The following BET1 variants were observed in gnomAD, a reference collection of about 807,000 sequenced individuals.
BET1 encodes the protein BET1 homolog.
BET1 carries 9 observed loss-of-function variants against 13.9 expected under a neutral mutation model. The ratio of observed to expected loss-of-function variants is 0.65; its 90% CI spans 0.39 to 1.13. The LOEUF (loss-of-function observed/expected upper bound fraction) is 1.13, where lower values mean the gene tolerates loss of function less well. Ranked by LOEUF, BET1 falls within the 50% of genes most tolerant of loss-of-function variation. The pLI, the probability that BET1 is intolerant of heterozygous loss-of-function variation, is 0.01. For missense variants in BET1, 127 were observed against 133.6 expected (o/e 0.95, Z 0.24); for synonymous variants, 39 against 47.3 (o/e 0.82, Z 0.72).
chr7:93,977,657 C>T (rs1795362822), intron 4 of BET1, among the ~76,000 whole-genome samples: 1 of 152,124 alleles, frequency 6.6e-6, no homozygotes, highest in Non-Finnish European at 1.5e-5. Flanking sequence ...ACGGGACCAA[C>T]CCTCACAGGG....
intron 1 of BET1, among the ~76,000 whole-genome samples, chr7:94,003,515 T>C (rs1239442036): frequency 6.6e-6 from 1 of 152,156 alleles, no homozygotes; most frequent in African/African-American, 2.4e-5. Context: ...GCCGTTCTAG[T>C]AGCTGTGCGT....
chr7:94,004,264 T>C lies in BET1; in HGVS notation c.-48A>G, dbSNP rs2116159665. On this transcript the variant is annotated 5_prime_UTR_variant, in exon 1 of 4. Coordinates refer to ENST00000222547, the MANE Select transcript of BET1 (RefSeq NM_005868.6). Reference sequence around the variant, plus strand: ...AGGCGGGTGCGGGGCTTTGGGTGAGTAGGAAACAGCTAGGGGCGACCCGGA... The same window carrying C: ...AGGCGGGTGCGGGGCTTTGGGTGAGCAGGAAACAGCTAGGGGCGACCCGGA... 1.2e-6 allele frequency: 2 copies of C among 1,613,038 alleles called. No homozygotes were observed. Among genetic ancestry groups the C allele is most frequent in the Non-Finnish European group, 1.7e-6 (2 of 1,179,662 alleles).
rs759786928 is a variant in BET1 at position 93,994,185 on chromosome 7, C to A, written c.*45G>T. ...GCTGATTTTTATCAAAGTGGTACTG[C>A]AAGCCATTAAGTTGGAACAAATTCC... On this transcript the variant is annotated 3_prime_UTR_variant, in exon 4 of 4. Transcript: ENST00000222547. 6.4e-7 allele frequency: 1 copy of A among 1,563,560 alleles called. No homozygotes were observed. The highest frequency in any genetic ancestry group is 8.7e-7 in the Non-Finnish European group (1 of 1,155,230).
chr7:93,991,032 T>C (rs995562108), downstream of BET1, among the ~76,000 whole-genome samples: 1 of 152,132 alleles, frequency 6.6e-6, no homozygotes, highest in Non-Finnish European at 1.5e-5. Context: ...TGCCAATATA[T>C]ATACAAAGAG....
rs1033179642 is a variant in BET1, at chr7:94,004,355, T to C, written c.-139A>G. On this transcript the variant is annotated 5_prime_UTR_variant, in exon 1 of 4. Transcript: ENST00000222547. ...TTCCCCTAAAGCGCCACGACATCAG[T>C]GGAGTCTAAACACCGCGCCGGATGA... 6 of 1,197,840 alleles carry C rather than the reference T, an allele frequency of 5.0e-6. No homozygotes were observed. The highest frequency in any genetic ancestry group is 7.3e-6 in the Non-Finnish European group (6 of 818,742). The allele number at this position is 1,197,840 out of a possible 1,614,324, so 74.2% of individuals were successfully genotyped here.
chr7:93,985,113 A>G (rs1390759857), intron 4 of BET1, among the ~76,000 whole-genome samples: 1 of 152,096 alleles, frequency 6.6e-6, no homozygotes, highest in Non-Finnish European at 1.5e-5. Flanking sequence ...CCTCCCCCAC[A>G]CTGTCTCTGC....
Position 94,000,108 on chromosome 7 carries a change from T to A in BET1, c.20-814A>T, listed in dbSNP as rs1276891843. Among the ~76,000 whole-genome samples the A allele has an allele frequency of 9.7e-5, 7 of 72,086 alleles. No homozygotes were observed. In the East Asian group the frequency reaches 4.9e-3, roughly 51 times the overall value. 47.3% of individuals were successfully genotyped at this position (72,086 alleles called of 152,430 possible). A position where few individuals can be genotyped will look rare whatever the true frequency, so the allele number is the denominator to read the frequency against. On this transcript the variant is annotated intron_variant, in intron 1 of 3. Coordinates refer to ENST00000222547, the MANE Select transcript of BET1 (RefSeq NM_005868.6). ...AGTTCAGGGTGTTAGTTAACTATAC[T>A]TTTTTTTTTTTTTTGAGGTGGAGTC...
At chr7:94,002,130 G>A (rs1468334607) in intron 1 of BET1, among the ~76,000 whole-genome samples, 1 of 152,134 alleles carries the variant, frequency 6.6e-6, no homozygotes, top group Non-Finnish European at 1.5e-5. Flanking sequence ...GCTATGAAAA[G>A]TTGTAAAAAA....
Position 93,977,530 on chromosome 7 carries a change from A to G in BET1, c.236-1430T>C, listed in dbSNP as rs561091972. ...CCTCATATTTTAAATTATTTACTTA[A>G]TAGGATTTAAGGATTAGAATAAAAA... On this transcript the variant is annotated intron_variant and NMD_transcript_variant, in intron 4 of 6. Coordinates refer to the BET1 transcript ENST00000357520. 5.3e-5 allele frequency among the ~76,000 whole-genome samples: 8 copies of G among 152,290 alleles called. No individual in the cohort carries two copies. In the South Asian group the frequency reaches 1.7e-3, roughly 32 times the overall value.
In BET1 at chr7:93,993,944, C is replaced by T. The variant is rs1387448147; in HGVS notation, c.*286G>A. ...ATGATTACAACAAAATATTATAATGCTATTTAATCTGACAGTTGGCAAACA... is the reference window on the plus strand; with the variant it reads ...ATGATTACAACAAAATATTATAATGTTATTTAATCTGACAGTTGGCAAACA... On this transcript the variant is annotated 3_prime_UTR_variant, in exon 4 of 4. Coordinates refer to ENST00000222547, the MANE Select transcript of BET1 (RefSeq NM_005868.6). 15 of 1,534,450 alleles carry T rather than the reference C, an allele frequency of 9.8e-6. No individual in the cohort carries two copies. Among genetic ancestry groups the T allele is most frequent in the African/African-American group, 2.7e-5 (2 of 72,964 alleles).
chr7:93,965,144 T>C (rs568736825), exon 7 of BET1: 36 of 152,130 alleles, frequency 2.4e-4, no homozygotes, highest in Non-Finnish European at 1.9e-4. Context: ...ATTTTTGCAC[T>C]GCCTCGTTCA....
rs1264631070 is a variant in BET1, at chr7:93,993,583, A to G, written c.*647T>C. ...GAATTCATAAAGTTAATATGAAATAATAACTATACTGATACACATGTGCAA... is the reference window on the plus strand; with the variant it reads ...GAATTCATAAAGTTAATATGAAATAGTAACTATACTGATACACATGTGCAA... On this transcript the variant is annotated 3_prime_UTR_variant, in exon 4 of 4. Transcript: ENST00000222547. 2.2e-5 allele frequency: 24 copies of G among 1,089,836 alleles called. No individual in the cohort carries two copies. Among genetic ancestry groups the G allele is most frequent in the Admixed American group, 1.0e-4 (2 of 20,042 alleles). The allele number at this position is 1,089,836 out of a possible 1,614,324, so 67.5% of individuals were successfully genotyped here.
At chr7:93,971,774 G>A (rs1284173342) in intron 6 of BET1, among the ~76,000 whole-genome samples, 1 of 151,662 alleles carries the variant, frequency 6.6e-6, no homozygotes, top group Admixed American at 6.6e-5. Flanking sequence ...ATATGAAATT[G>A]TATTAATGAT....
intron 2 of BET1, 74 bp from the exon 3 acceptor site, chr7:93,996,395 T>A: frequency 9.3e-7 from 1 of 1,075,614 alleles, no homozygotes; most frequent in Admixed American, 2.8e-5. Context: ...AATAATGTCA[T>A]TCTAAGCATA....
intron 4 of BET1, among the ~76,000 whole-genome samples, chr7:93,984,551 C>A (rs1395283928): frequency 6.6e-6 from 1 of 151,660 alleles, no homozygotes; most frequent in Non-Finnish European, 1.5e-5. Context: ...TTGGATGAAC[C>A]AGAAACAAAG....
chr7:93,994,155 T>C lies in BET1; in HGVS notation c.*75A>G. The C allele has an allele frequency of 6.6e-7, 1 of 1,518,264 alleles. No homozygotes were observed. Among genetic ancestry groups the C allele is most frequent in the South Asian group, 1.3e-5 (1 of 74,474 alleles). 94.0% of individuals were successfully genotyped at this position (1,518,264 alleles called of 1,614,324 possible). A position where few individuals can be genotyped will look rare whatever the true frequency, so the allele number is the denominator to read the frequency against. On this transcript the variant is annotated 3_prime_UTR_variant, in exon 4 of 4. Transcript: ENST00000222547. ...ACAGTATTTGAACACTAGGAATGTTTTGATGCTGATTTTTATCAAAGTGGT... is the reference window on the plus strand; with the variant it reads ...ACAGTATTTGAACACTAGGAATGTTCTGATGCTGATTTTTATCAAAGTGGT...
downstream of BET1, among the ~76,000 whole-genome samples, chr7:93,991,009 G>A (rs751831575): frequency 6.6e-6 from 1 of 152,016 alleles, no homozygotes; most frequent in Non-Finnish European, 1.5e-5. Flanking sequence ...GAATTACTTG[G>A]CTAAGATACA....
chr7:93,984,092 C>T (rs1435077683), intron 4 of BET1, among the ~76,000 whole-genome samples: 1 of 152,168 alleles, frequency 6.6e-6, no homozygotes, highest in African/African-American at 2.4e-5. Context: ...TCTGAGAGCT[C>T]ATGGGTAGGA....
intron 1 of BET1, among the ~76,000 whole-genome samples, chr7:94,001,318 G>T (rs1306858243): frequency 6.6e-6 from 1 of 152,176 alleles, no homozygotes; most frequent in African/African-American, 2.4e-5. Flanking sequence ...AAAAGAATCT[G>T]AGTTCACTGT....
Sources: allele counts gnomAD v4.1 joint callset (sites outside exome capture counted in the v4.1 genomes callset), GRCh38; gene constraint gnomAD v4.1.1; transcripts MANE v1.5; gene names NCBI Gene and HGNC (gene_info 2026-07-23, HGNC 2026-07-21).